Variants in IFI35 observed in about 807,000 individuals in gnomAD.
The protein encoded by IFI35 is interferon-induced 35 kDa protein.
IFI35 carries 30 observed loss-of-function variants against 28.6 expected under a neutral mutation model. The observed-to-expected ratio is 1.05, with a 90% confidence interval of 0.79 to 1.43. The LOEUF (loss-of-function observed/expected upper bound fraction) is 1.43. Ranked by LOEUF, IFI35 falls within the 40% of genes most tolerant of loss-of-function variation. The pLI is 0.00. For missense variants in IFI35, 372 were observed against 356.9 expected, an observed-to-expected ratio of 1.04 and a Z score of -0.34; for synonymous variants, 146 against 154.8, an observed-to-expected ratio of 0.94 and a Z score of 0.42.
rs1260942379 is a variant in IFI35 at position 43,013,549 on chromosome 17, A to T, written c.449A>T (p.Glu150Val). The T allele has an allele frequency of 1.9e-6, 3 of 1,614,032 alleles. No homozygotes were observed. Among genetic ancestry groups the T allele is most frequent in the Non-Finnish European group, 2.5e-6 (3 of 1,179,996 alleles). The change falls in exon 5 of 7, where the codon GAG becomes GTG. Residue 150 changes from glutamate (E) to valine (V), a missense_variant. Coordinates refer to ENST00000415816, the MANE Select transcript of IFI35 (RefSeq NM_001330230.2). ...GCCAGCCTCAGGCTGAGTGAGGAGG[A>T]GCTGCTGGACAAGCTAGAGATCTTC... The part of the protein sequence containing the change: ...FPASLRLSEE[E>V]LLDKLEIFFG...
At position 43,013,907 on chromosome 17, in the gene IFI35, G is replaced by A. The variant is rs372773230; in HGVS notation, c.669+25G>A. ...GGTAAGCAGGAGGGGTGAAGAACAG[G>A]GGCTGGGCTGGGTAACCTGTCTGCC... On this transcript the variant is annotated intron_variant, in intron 6 of 6. Coordinates refer to ENST00000415816, the MANE Select transcript of IFI35 (RefSeq NM_001330230.2). 3.6e-5 allele frequency: 55 copies of A among 1,508,628 alleles called. No individual in the cohort carries two copies. The African/African-American group carries it at 7.3e-4, about 20-fold the overall frequency. The allele number at this position is 1,508,628 out of a possible 1,614,324, so 93.5% of individuals were successfully genotyped here. A position where few individuals can be genotyped will look rare whatever the true frequency, so the allele number is the denominator to read the frequency against.
At chr17:43,007,502 CTA>C (rs1491425549) in intron 1 of IFI35, among the ~76,000 whole-genome samples, 1 of 129,262 alleles carries the variant, frequency 7.7e-6, no homozygotes, top group African/African-American at 3.0e-5. Context: ...GAGACTCTGT[CTA>C]AAAAAAAAAA....
In IFI35 at chr17:43,013,102, A is replaced by G. The variant is rs774360258; in HGVS notation, c.176A>G (p.Asp59Gly). The change falls in exon 3 of 7, where the codon GAC (aspartate) becomes GGC (glycine). Residue 59 changes from aspartate to glycine, a missense_variant. Physicochemically the swap from Asp to Gly is moderately conservative, Grantham distance 94. Coordinates refer to ENST00000415816, the MANE Select transcript of IFI35 (RefSeq NM_001330230.2). ...GTATTCCGAGGACACACCCAGCAGG[A>G]CCCGGAAGTGCCTAAGTCTTTAGTT... ...PLVFRGHTQQ[D>G]PEVPKSLVSN... 1 of 1,613,934 alleles carries G rather than the reference A, an allele frequency of 6.2e-7. No homozygotes were observed. The highest frequency in any genetic ancestry group is 1.3e-5 in the African/African-American group (1 of 74,954).
At position 43,013,288 on chromosome 17, in the gene IFI35, A is replaced by G; in HGVS notation, c.290A>G (p.Gln97Arg). 1 of 1,614,146 alleles carries G rather than the reference A, an allele frequency of 6.2e-7. No individual in the cohort carries two copies. Among genetic ancestry groups the G allele is most frequent in the Non-Finnish European group, 8.5e-7 (1 of 1,180,004 alleles). The part of the protein sequence containing the change: ...DPKVAEQVLQ[Q>R]KEHTINMEEC... ...CCAGTGGCTGAGCAGGTGCTGCAACAAAAGGAGCACACGATCAACATGGAG... is the reference window on the plus strand; with the variant it reads ...CCAGTGGCTGAGCAGGTGCTGCAACGAAAGGAGCACACGATCAACATGGAG... The change falls in exon 4 of 7, where the codon CAA becomes CGA. Residue 97 changes from glutamine (Q) to arginine (R), a missense_variant. Transcript: ENST00000415816.
chr17:43,006,937 A>C lies in IFI35; in HGVS notation c.-11A>C. 1 of 1,614,046 alleles carries C rather than the reference A, an allele frequency of 6.2e-7. No homozygotes were observed. The highest frequency in any genetic ancestry group is 8.5e-7 in the Non-Finnish European group (1 of 1,179,948). On this transcript the variant is annotated 5_prime_UTR_variant, in exon 1 of 7. Coordinates refer to ENST00000415816, the MANE Select transcript of IFI35 (RefSeq NM_001330230.2). ...TGAAGCCTCAGCTCTTGCCAAACAGACCCGAGACCCATGTCAGCCCCACTG... is the reference window on the plus strand; with the variant it reads ...TGAAGCCTCAGCTCTTGCCAAACAGCCCCGAGACCCATGTCAGCCCCACTG...
Position 43,006,863 on chromosome 17 carries a change from G to A in IFI35, c.-85G>A. 6.8e-7 allele frequency: 1 copy of A among 1,460,060 alleles called. No homozygotes were observed. The highest frequency in any genetic ancestry group is 9.6e-7 in the Non-Finnish European group (1 of 1,040,156). The allele number at this position is 1,460,060 out of a possible 1,614,324, so 90.4% of individuals were successfully genotyped here. A position where few individuals can be genotyped will look rare whatever the true frequency, so the allele number is the denominator to read the frequency against. On this transcript the variant is annotated 5_prime_UTR_variant, in exon 1 of 7. Coordinates refer to ENST00000415816, the MANE Select transcript of IFI35 (RefSeq NM_001330230.2). ...GAGAGAGACCACAGCCCTTTGGGGG[G>A]TACAAACAAGAGTTCAGTTGCTGTG... is the stretch of plus-strand genomic sequence containing the variant.
chr17:43,012,345 C>T lies in IFI35; in HGVS notation c.120+68C>T, dbSNP rs999370894. ...CGAGGCCGGGTGCGGTGGCTCACAC[C>T]TGTAAACCCAGCACTTTGGTAGGCC... On this transcript the variant is annotated intron_variant, in intron 2 of 6. Transcript: ENST00000415816. The T allele has an allele frequency of 2.0e-5, 23 of 1,170,906 alleles. No homozygotes were observed. In the Admixed American group the frequency reaches 4.8e-4, roughly 25 times the overall value. The allele number at this position is 1,170,906 out of a possible 1,614,324, so 72.5% of individuals were successfully genotyped here. A position where few individuals can be genotyped will look rare whatever the true frequency, so the allele number is the denominator to read the frequency against.
At chr17:43,007,211 G>A (rs574603176) in intron 1 of IFI35, among the ~76,000 whole-genome samples, 1 of 152,304 alleles carries the variant, frequency 6.6e-6, no homozygotes, top group East Asian at 1.9e-4. Flanking sequence ...GAGAGAATCT[G>A]TAGTTTCCAT....
At chr17:43,009,646 G>A (rs1362569125) in intron 1 of IFI35, among the ~76,000 whole-genome samples, 8 of 152,140 alleles carry the variant, frequency 5.3e-5, no homozygotes, top group Admixed American at 1.3e-4. Flanking sequence ...CCAGCTACTC[G>A]GGAGGCTGAG....
In IFI35 at chr17:43,013,632, AGT is replaced by A. The variant is rs762859746; in HGVS notation, c.535_536del (p.Val179HisfsTer6). On this transcript the variant is annotated frameshift_variant, in exon 5 of 7. Transcript: ENST00000415816. LOFTEE classifies it high-confidence loss of function. ...DVDVRELLPG[S>X]VMLGFARDGV... ...GGACGTTCGGGAGCTACTGCCAGGGAGTGTCATGCTGGGGTTTGCTAGGGATG... is the reference window on the plus strand; with the variant it reads ...GGACGTTCGGGAGCTACTGCCAGGGAGTCATGCTGGGGTTTGCTAGGGATG... 1,321 of 1,614,008 alleles carry A rather than the reference AGT, an allele frequency of 8.2e-4. 4 individuals carry two copies. Among genetic ancestry groups the A allele is most frequent in the Non-Finnish European group, 9.0e-4 (1,061 of 1,179,964 alleles).
chr17:43,009,456 TA>T (rs2050437842), intron 1 of IFI35, among the ~76,000 whole-genome samples: 1 of 151,860 alleles, frequency 6.6e-6, no homozygotes, highest in Non-Finnish European at 1.5e-5. Flanking sequence ...CCATCTCTAC[TA>T]AAAATAAAAA....
intron 1 of IFI35, among the ~76,000 whole-genome samples, chr17:43,007,872 T>TATATATATATATATAC (rs1491453151): frequency 2.0e-4 from 27 of 136,584 alleles, no homozygotes; most frequent in African/African-American, 7.3e-4. Flanking sequence ...TATATATATA[T>TATATATATATATATAC]ACTATAAGAA....
chr17:43,014,000 C>A (rs968261522), intron 6 of IFI35, 108 bp from the exon 7 acceptor site: 1 of 1,296,498 alleles, frequency 7.7e-7, no homozygotes, highest in South Asian at 1.3e-5. Flanking sequence ...CCACCATCAG[C>A]CTCTCCAGGC....
intron 1 of IFI35, among the ~76,000 whole-genome samples, chr17:43,011,128 C>A (rs2050454348): frequency 6.6e-6 from 1 of 152,160 alleles, no homozygotes; most frequent in Admixed American, 6.5e-5. Flanking sequence ...CACTGTAAAG[C>A]ACAGGTTAGT....
Position 43,013,202 on chromosome 17 carries a change from C to CATGGGGAG in IFI35, c.268+9_268+16dup, listed in dbSNP as rs1318494488. 1.2e-6 allele frequency: 2 copies of CATGGGGAG among 1,614,106 alleles called. No individual in the cohort carries two copies. The highest frequency in any genetic ancestry group is 2.7e-5 in the African/African-American group (2 of 75,034). ...CCTTTGATGACCCCAAAGGTAAGCT[C>CATGGGGAG]ATGGGGAGCCTCAGGAGGGAGGTGG... On this transcript the variant is annotated intron_variant, in intron 3 of 6. Transcript: ENST00000415816.
rs138234610 is a variant in IFI35 at position 43,006,958 on chromosome 17, C to T, written c.11C>T (p.Pro4Leu). 1.3e-4 allele frequency: 203 copies of T among 1,613,928 alleles called. 1 individual carries two copies. Among genetic ancestry groups the T allele is most frequent in the Middle Eastern group, 9.9e-4 (6 of 6,084 alleles). The part of the protein sequence containing the change: MSA[P>L]LDAALHALQE... ...ACAGACCCGAGACCCATGTCAGCCC[C>T]ACTGGATGCCGTAAGTGAGGAGGAG... Residue 4 changes from proline (P) to leucine (L), a missense_variant, in exon 1 of 7, where the codon CCA (proline) becomes CTA (leucine). Physicochemically the swap from Pro to Leu is moderately conservative, Grantham distance 98 (BLOSUM62 -3). Coordinates refer to ENST00000415816, the MANE Select transcript of IFI35 (RefSeq NM_001330230.2).
chr17:43,007,106 C>T (rs1262931064), intron 1 of IFI35, 138 bp downstream of exon 1: 1 of 956,130 alleles, frequency 1.0e-6, no homozygotes, highest in Non-Finnish European at 1.7e-6. Flanking sequence ...GGGAGAAACA[C>T]AGGGCTGGGG....
chr17:43,012,754 G>A (rs1419939724), intron 2 of IFI35: 11 of 390,556 alleles, frequency 2.8e-5, no homozygotes, highest in South Asian at 1.6e-4. Flanking sequence ...ACACAAAAAA[G>A]AGCTGGGGAG....
chr17:43,009,603 A>C (rs1597777591), intron 1 of IFI35, among the ~76,000 whole-genome samples: 1 of 151,936 alleles, frequency 6.6e-6, no homozygotes, highest in East Asian at 2.0e-4. Flanking sequence ...AAATACAAAA[A>C]TTAGCTGGGC....
Sources: allele counts gnomAD v4.1 joint callset (sites outside exome capture counted in the v4.1 genomes callset), GRCh38; gene constraint gnomAD v4.1.1; transcripts MANE v1.5; gene names NCBI Gene and HGNC (gene_info 2026-07-23, HGNC 2026-07-21).